The following MYO9A variants were observed in gnomAD, a reference collection of about 807,000 sequenced individuals.
The protein encoded by MYO9A is unconventional myosin-IXa.
Under a neutral mutation model 293.3 loss-of-function variants are expected in MYO9A, and 103 were observed. That is an observed-to-expected ratio of 0.35 (90% CI 0.30 to 0.41). The LOEUF is 0.41. MYO9A is among the 10% of genes least tolerant of loss of function. MYO9A has a pLI of 1.00. For synonymous variants in MYO9A, 1,001 were observed against 1,035.7 expected (o/e 0.97, Z 0.64); for missense variants, 2,685 against 3,033.0 (o/e 0.89, Z 2.69).
intron 39 of MYO9A, among the ~76,000 whole-genome samples, chr15:71,837,889 G>A (rs1457833705): frequency 6.6e-6 from 1 of 152,062 alleles, no homozygotes; most frequent in African/African-American, 2.4e-5. Context: ...ATTAACAGTA[G>A]TTTCCTGACT....
chr15:71,986,045 A>C (rs1233880766), intron 11 of MYO9A, among the ~76,000 whole-genome samples: 1 of 152,242 alleles, frequency 6.6e-6, no homozygotes, highest in Non-Finnish European at 1.5e-5. Context: ...AGTAACAGAA[A>C]ACATACAATT....
chr15:71,964,123 C>T (rs1028521312), intron 13 of MYO9A, among the ~76,000 whole-genome samples: 2 of 151,922 alleles, frequency 1.3e-5, no homozygotes, highest in Non-Finnish European at 2.9e-5. Flanking sequence ...TTTTTTCATT[C>T]CTGGTATCTG....
At position 71,826,392 on chromosome 15, in the gene MYO9A, A is replaced by G. The variant is rs1001882343; in HGVS notation, c.*188T>C. On this transcript the variant is annotated 3_prime_UTR_variant, in exon 42 of 42. Transcript: ENST00000356056. Reference sequence around the variant, plus strand: ...CAACAGCCAAGGCACAGCTGGCACCATCCCCAGCAGGCTTTCTGCTTCTGC... The same window carrying G: ...CAACAGCCAAGGCACAGCTGGCACCGTCCCCAGCAGGCTTTCTGCTTCTGC... 1.2e-4 allele frequency: 68 copies of G among 584,084 alleles called. No individual in the cohort carries two copies. The highest frequency in any genetic ancestry group is 3.3e-4 in the Admixed American group (9 of 27,580). 36.2% of individuals were successfully genotyped at this position (584,084 alleles called of 1,614,324 possible).
At position 71,898,435 on chromosome 15, in the gene MYO9A, A is replaced by G. The variant is rs1323821647; in HGVS notation, c.4068T>C (p.Phe1356=). The change falls in exon 25 of 42, where the codon TTT becomes TTC. Residue 1356 remains phenylalanine (F), a synonymous_variant. Transcript: ENST00000356056. ...GACTGCTGGATATCTTAGGTGATGG[A>G]AACTGCAAGTCTCCTTCATCTGAAA... The part of the protein sequence containing the change: ...SVISDEGDLQ[F]PSPKISSSPK... The G allele has an allele frequency of 3.1e-6, 5 of 1,613,896 alleles. No homozygotes were observed. In the Admixed American group the frequency reaches 8.3e-5, roughly 27 times the overall value.
At chr15:72,072,631 A>G (rs1327507736) in intron 1 of MYO9A, among the ~76,000 whole-genome samples, 1 of 152,222 alleles carries the variant, frequency 6.6e-6, no homozygotes, top group Non-Finnish European at 1.5e-5. Flanking sequence ...GGAGGCCATT[A>G]TCCTAAGTGA....
intron 33 of MYO9A, among the ~76,000 whole-genome samples, chr15:71,861,696 A>C (rs1014889266): frequency 2.3e-4 from 34 of 149,372 alleles, no homozygotes; most frequent in East Asian, 3.9e-4. Context: ...AAAAAAAAAA[A>C]AAAAACAAAT....
chr15:72,072,322 G>A (rs560374176), intron 1 of MYO9A, among the ~76,000 whole-genome samples: 138 of 151,962 alleles, frequency 9.1e-4, no homozygotes, highest in South Asian at 1.9e-3. Flanking sequence ...TAGTAGAGAC[G>A]GGGTTTCACC....
rs144941960 is a variant in MYO9A, at chr15:71,921,624, T to C, written c.2563-5132A>G. ...GGATAGGGATATATCTTATCTAGCATAGCCTGTGTAAACAGGAGATATTTT... is the reference window on the plus strand; with the variant it reads ...GGATAGGGATATATCTTATCTAGCACAGCCTGTGTAAACAGGAGATATTTT... On this transcript the variant is annotated intron_variant, in intron 18 of 41. Coordinates refer to ENST00000356056, the MANE Select transcript of MYO9A (RefSeq NM_006901.4). Among the ~76,000 whole-genome samples, 4 of 152,326 alleles carry C rather than the reference T, an allele frequency of 2.6e-5. No individual in the cohort carries two copies. In the East Asian group the frequency reaches 7.7e-4, roughly 29 times the overall value.
chr15:71,916,731 G>A (rs1341731908), intron 18 of MYO9A, among the ~76,000 whole-genome samples: 1 of 152,170 alleles, frequency 6.6e-6, no homozygotes, highest in African/African-American at 2.4e-5. Flanking sequence ...TCTGGATATG[G>A]TTTAAGTTTA....
chr15:72,048,730 G>A (rs2078466472), intron 1 of MYO9A, among the ~76,000 whole-genome samples: 1 of 151,908 alleles, frequency 6.6e-6, no homozygotes, highest in Non-Finnish European at 1.5e-5. Context: ...AAATGTTTAA[G>A]TTTGCATGTT....
chr15:72,056,334 C>A (rs1004657927), intron 1 of MYO9A, among the ~76,000 whole-genome samples: 2 of 152,160 alleles, frequency 1.3e-5, no homozygotes, highest in African/African-American at 2.4e-5. Context: ...AATATAGAAC[C>A]AGCCCAAATG....
rs1287140422 is a variant in MYO9A at position 71,899,677 on chromosome 15, T to C, written c.3470+10A>G. 18 of 1,599,946 alleles carry C rather than the reference T, an allele frequency of 1.1e-5. No homozygotes were observed. The highest frequency in any genetic ancestry group is 1.7e-4 in the Middle Eastern group (1 of 5,982). ...AGAAAAAAAGCAATTATTATAGTAA[T>C]AGAGATTACCTTTGTCTTGCTCTGA... is the stretch of plus-strand genomic sequence containing the variant. On this transcript the variant is annotated intron_variant, in intron 24 of 41. Coordinates refer to ENST00000356056, the MANE Select transcript of MYO9A (RefSeq NM_006901.4).
At chr15:72,027,616 T>C (rs1328523248) in intron 4 of MYO9A, 115 bp downstream of exon 4, 2 of 771,262 alleles carry the variant, frequency 2.6e-6, no homozygotes, top group Non-Finnish European at 4.2e-6. Context: ...CAATTATGCA[T>C]AAAGCTATGC....
At chr15:71,883,442 T>C (rs940477654) in intron 28 of MYO9A, 152 bp downstream of exon 28, 3 of 762,858 alleles carry the variant, frequency 3.9e-6, no homozygotes, top group Middle Eastern at 3.0e-4. Flanking sequence ...AACTTTATTT[T>C]TTAGTTAAGG....
In MYO9A at chr15:71,830,283, T is replaced by G. The variant is rs1567176097; in HGVS notation, c.6866A>C (p.Tyr2289Ser). The G allele has an allele frequency of 1.9e-6, 3 of 1,613,794 alleles. No individual in the cohort carries two copies. The highest frequency in any genetic ancestry group is 1.7e-4 in the Middle Eastern group (1 of 6,006). Residue 2289 changes from tyrosine (Y) to serine (S), a missense_variant, in exon 40 of 42, where the codon TAT becomes TCT. By Grantham distance (144) the Tyr-to-Ser change is moderately radical. This residue lies in a region of MYO9A where 350 missense variants were observed against 328.9 expected (regional missense o/e 1.06). Coordinates refer to ENST00000356056, the MANE Select transcript of MYO9A (RefSeq NM_006901.4). ...TACAACAGGAGACGATGGACCTGGA[T>G]AGTTTCCTCGACGAATACGCCCCTT... The part of the protein sequence containing the change: ...MGKGRIRRGN[Y>S]PGPSSPVVVR...
At chr15:72,081,453 G>A (rs1055546132) in intron 1 of MYO9A, among the ~76,000 whole-genome samples, 1 of 151,774 alleles carries the variant, frequency 6.6e-6, no homozygotes, top group Non-Finnish European at 1.5e-5. Context: ...CTAGATATTA[G>A]ATCTTTGTCA....
intron 39 of MYO9A, among the ~76,000 whole-genome samples, chr15:71,835,498 G>C (rs1340633284): frequency 6.6e-6 from 1 of 151,830 alleles, no homozygotes; most frequent in African/African-American, 2.4e-5. Context: ...ATAAGCAACA[G>C]AAAATAAAAA....
intron 1 of MYO9A, among the ~76,000 whole-genome samples, chr15:72,105,127 A>G (rs927484543): frequency 1.1e-4 from 16 of 152,260 alleles, no homozygotes; most frequent in African/African-American, 3.9e-4. Flanking sequence ...ACAACAAAAC[A>G]GAACAAAGAT....
At chr15:72,075,457 G>GA (rs1400728935) in intron 1 of MYO9A, among the ~76,000 whole-genome samples, 2 of 151,702 alleles carry the variant, frequency 1.3e-5, no homozygotes, top group Non-Finnish European at 2.9e-5. Context: ...CTTATAGAGA[G>GA]AAAAAACATT....
Sources: allele counts gnomAD v4.1 joint callset (sites outside exome capture counted in the v4.1 genomes callset), GRCh38; gene constraint gnomAD v4.1.1; regional missense constraint gnomAD v4.1.1; transcripts MANE v1.5; gene names NCBI Gene and HGNC (gene_info 2026-07-23, HGNC 2026-07-21).